The following TSHZ2 variants were observed in gnomAD, a reference collection of about 807,000 sequenced individuals.
TSHZ2 encodes teashirt homolog 2.
A neutral mutation model predicts 74.4 loss-of-function variants in TSHZ2; 21 were observed. The ratio of observed to expected loss-of-function variants is 0.28; its 90% CI spans 0.20 to 0.41. TSHZ2 has a LOEUF of 0.41. Ranked by LOEUF, TSHZ2 falls within the 10% of genes least tolerant of loss-of-function variation. TSHZ2 has a pLI of 1.00. For missense variants in TSHZ2, 1,244 were observed against 1,293.5 expected, an observed-to-expected ratio of 0.96 and a Z score of 0.59; for synonymous variants, 540 against 515.3, an observed-to-expected ratio of 1.05 and a Z score of -0.65.
chr20:53,039,334 A>C (rs926025320), intron 1 of TSHZ2, among the ~76,000 whole-genome samples: 1 of 152,116 alleles, frequency 6.6e-6, no homozygotes, highest in East Asian at 1.9e-4. Context: ...GTTGTTCTTT[A>C]ATTTGTCTAC....
rs148336537 is a variant in TSHZ2 at position 53,113,049 on chromosome 20, C to T, written c.40+139716C>T. Among the ~76,000 whole-genome samples, 86 of 152,274 alleles carry T rather than the reference C, an allele frequency of 5.6e-4. No individual in the cohort carries two copies. The South Asian group carries it at 0.012, about 22-fold the overall frequency. On this transcript the variant is annotated intron_variant, in intron 1 of 2. Transcript: ENST00000371497. ...TTTATGCAAAGTTTAAGAATATCAGCCACGGCTTGCAGTGAGATTGCATAT... is the reference window on the plus strand; with the variant it reads ...TTTATGCAAAGTTTAAGAATATCAGTCACGGCTTGCAGTGAGATTGCATAT...
chr20:53,076,549 G>A (rs1439581946), intron 1 of TSHZ2, among the ~76,000 whole-genome samples: 1 of 152,138 alleles, frequency 6.6e-6, no homozygotes, highest in Non-Finnish European at 1.5e-5. Flanking sequence ...CCATACAAGC[G>A]ATGCGGAGGT....
chr20:53,263,755 A>G (rs1990651725), intron 2 of TSHZ2, among the ~76,000 whole-genome samples: 2 of 152,104 alleles, frequency 1.3e-5, no homozygotes, highest in Admixed American at 6.5e-5. Context: ...CTCTCCCCCA[A>G]GGTAACCCCA....
At chr20:53,072,226 C>CT (rs772417754) in intron 1 of TSHZ2, among the ~76,000 whole-genome samples, 105 of 152,302 alleles carry the variant, frequency 6.9e-4, no homozygotes, top group Admixed American at 1.6e-3. Flanking sequence ...TTGGGAAATT[C>CT]TTTTGTTTCT....
intron 2 of TSHZ2, among the ~76,000 whole-genome samples, chr20:53,359,820 A>T (rs1370173388): frequency 1.3e-5 from 2 of 152,232 alleles, no homozygotes; most frequent in Non-Finnish European, 2.9e-5. Context: ...CAGGCTAAAG[A>T]TGGTGAGAGG....
At chr20:53,291,924 A>G (rs2145459638) in intron 2 of TSHZ2, among the ~76,000 whole-genome samples, 1 of 152,184 alleles carries the variant, frequency 6.6e-6, no homozygotes, top group South Asian at 2.1e-4. Context: ...ACACCATGGT[A>G]CAGATGATAT....
intron 1 of TSHZ2, among the ~76,000 whole-genome samples, chr20:53,066,676 T>G (rs1984999815): frequency 6.6e-6 from 1 of 152,020 alleles, no homozygotes; most frequent in South Asian, 2.1e-4. Context: ...CCCTGCTAAT[T>G]TTTGTATTTT....
chr20:53,422,684 A>G (rs1326938337), intron 2 of TSHZ2, among the ~76,000 whole-genome samples: 1 of 152,156 alleles, frequency 6.6e-6, no homozygotes, highest in Non-Finnish European at 1.5e-5. Flanking sequence ...TGCTTTTCAA[A>G]GGCTGGGCTT....
chr20:53,268,027 A>T (rs923257313), intron 2 of TSHZ2, among the ~76,000 whole-genome samples: 1 of 152,168 alleles, frequency 6.6e-6, no homozygotes, highest in African/African-American at 2.4e-5. Context: ...GAAGCAAAGC[A>T]AAGTCCATGG....
chr20:53,038,908 G>GTTTGTTAT (rs146845423), intron 1 of TSHZ2, among the ~76,000 whole-genome samples: 1 of 148,004 alleles, frequency 6.8e-6, no homozygotes, highest in Non-Finnish European at 1.5e-5. Flanking sequence ...TTGTTTGTTT[G>GTTTGTTAT]TTTTTGAGAT....
chr20:53,281,217 A>G (rs1991054838), intron 2 of TSHZ2, among the ~76,000 whole-genome samples: 1 of 152,224 alleles, frequency 6.6e-6, no homozygotes, highest in Non-Finnish European at 1.5e-5. Context: ...TGGTCAGAAA[A>G]GTCTTTTCTG....
chr20:53,126,664 A>G (rs1986955006), intron 1 of TSHZ2, among the ~76,000 whole-genome samples: 1 of 152,234 alleles, frequency 6.6e-6, no homozygotes, highest in African/African-American at 2.4e-5. Flanking sequence ...TGGCAGGGTT[A>G]GTAACAGAGT....
intron 2 of TSHZ2, among the ~76,000 whole-genome samples, chr20:53,282,837 C>G (rs889023786): frequency 1.3e-5 from 2 of 152,158 alleles, no homozygotes; most frequent in African/African-American, 4.8e-5. Flanking sequence ...TGCTTGCTGT[C>G]GTGAGGAGGC....
intron 1 of TSHZ2, among the ~76,000 whole-genome samples, chr20:53,175,127 CTTTCT>C (rs1988299437): frequency 2.9e-5 from 2 of 68,186 alleles, no homozygotes; most frequent in African/African-American, 6.1e-5. Flanking sequence ...CCTTCTTCTT[CTTTCT>C]TTTTTTTTTT....
At chr20:53,276,630 C>T (rs1436616140) in intron 2 of TSHZ2, among the ~76,000 whole-genome samples, 1 of 152,170 alleles carries the variant, frequency 6.6e-6, no homozygotes, top group African/African-American at 2.4e-5. Context: ...ATGCTTTAAG[C>T]CAGTGGTTCT....
chr20:53,301,167 A>C (rs192035426), intron 2 of TSHZ2, among the ~76,000 whole-genome samples: 2 of 152,018 alleles, frequency 1.3e-5, no homozygotes, highest in Admixed American at 1.3e-4. Flanking sequence ...CATGTTGGCC[A>C]GGCTGGTCTT....
At chr20:53,236,730 T>C (rs1464984873) in intron 1 of TSHZ2, among the ~76,000 whole-genome samples, 1 of 152,228 alleles carries the variant, frequency 6.6e-6, no homozygotes, top group African/African-American at 2.4e-5. Context: ...TCTGCATTAC[T>C]TGAGAAGCCT....
At chr20:53,329,572 A>G (rs138928365) in intron 2 of TSHZ2, among the ~76,000 whole-genome samples, 2 of 151,790 alleles carry the variant, frequency 1.3e-5, no homozygotes, top group East Asian at 3.9e-4. Flanking sequence ...CACTGCAGCC[A>G]TTAACCAGAA....
intron 2 of TSHZ2, among the ~76,000 whole-genome samples, chr20:53,438,006 ACCCAGT>A (rs781393845): frequency 2.0e-5 from 3 of 151,680 alleles, no homozygotes; most frequent in Non-Finnish European, 4.4e-5. Flanking sequence ...TTTCTAAATT[ACCCAGT>A]CTCGGGTATC....
Sources: allele counts gnomAD v4.1 joint callset (sites outside exome capture counted in the v4.1 genomes callset), GRCh38; gene constraint gnomAD v4.1.1; transcripts MANE v1.5; gene names NCBI Gene and HGNC (gene_info 2026-07-23, HGNC 2026-07-21).